TAPT1: variants seen among roughly 807,000 people sequenced by gnomAD.
TAPT1 encodes the protein transmembrane anterior posterior transformation 1.
In TAPT1, 28 loss-of-function variants were observed where a neutral mutation model predicts 65.6. The observed-to-expected ratio is 0.43, with a 90% CI of 0.32 to 0.59. The LOEUF (loss-of-function observed/expected upper bound fraction) is 0.59. Among genes scored for constraint, TAPT1 ranks in the 20% least tolerant of loss-of-function variants. The pLI is 0.09. For missense variants in TAPT1, 563 were observed against 679.9 expected, an observed-to-expected ratio of 0.83 and a Z score of 1.91; for synonymous variants, 278 against 245.2, an observed-to-expected ratio of 1.13 and a Z score of -1.25.
intron 1 of TAPT1, among the ~76,000 whole-genome samples, chr4:16,215,320 ATC>A (rs370460509): frequency 2.6e-5 from 4 of 151,640 alleles, no homozygotes; most frequent in African/African-American, 4.8e-5. Flanking sequence ...ATATATATAT[ATC>A]TCCTTAAAAG....
In TAPT1 at chr4:16,176,243, A is replaced by T. The variant is rs201597330; in HGVS notation, c.998-15T>A. On this transcript the variant is annotated splice_polypyrimidine_tract_variant and intron_variant, in intron 8 of 13. Transcript: ENST00000405303. ...CCAGAGATGATCTGTAAATAGAAAA[A>T]AGAAAAACAACGAAATATCTTAATA... 21 of 1,362,144 alleles carry T rather than the reference A, an allele frequency of 1.5e-5. No homozygotes were observed. Among genetic ancestry groups the T allele is most frequent in the Non-Finnish European group, 2.1e-5 (21 of 995,898 alleles). The allele number at this position is 1,362,144 out of a possible 1,614,324, so 84.4% of individuals were successfully genotyped here.
intron 4 of TAPT1, chr4:16,190,853 ATATT>A (rs1560169018): frequency 6.5e-6 from 1 of 154,954 alleles, no homozygotes; most frequent in Non-Finnish European, 1.5e-5. Context: ...TTGGGAACTT[ATATT>A]TATTTACCCT....
chr4:16,189,940 G>A (rs73798866), intron 4 of TAPT1: 10,120 of 152,460 alleles, frequency 0.066, 1,043 homozygotes, highest in African/African-American at 0.22. Context: ...AGAGAGCAGA[G>A]GGGAACAGGG....
chr4:16,215,164 G>T (rs56815412), intron 1 of TAPT1, among the ~76,000 whole-genome samples: 1 of 152,024 alleles, frequency 6.6e-6, no homozygotes, highest in Non-Finnish European at 1.5e-5. Context: ...GCCGGTGGGC[G>T]CCTGTAGTCC....
At chr4:16,182,369 C>T (rs890386236) in intron 7 of TAPT1, among the ~76,000 whole-genome samples, 1 of 152,256 alleles carries the variant, frequency 6.6e-6, no homozygotes, top group East Asian at 1.9e-4. Context: ...TGAACTCTTA[C>T]ATTGATTAAA....
chr4:16,181,057 A>G (rs1748682756), intron 7 of TAPT1, among the ~76,000 whole-genome samples: 1 of 152,222 alleles, frequency 6.6e-6, no homozygotes, highest in Admixed American at 6.5e-5. Context: ...TGTGACTTCA[A>G]AAGAGGATAC....
chr4:16,200,726 T>C (rs537294307), intron 3 of TAPT1, among the ~76,000 whole-genome samples: 36 of 152,342 alleles, frequency 2.4e-4, no homozygotes, highest in African/African-American at 8.7e-4. Flanking sequence ...TATTTGGTAA[T>C]GTTCTATTAG....
intron 3 of TAPT1, among the ~76,000 whole-genome samples, chr4:16,193,790 G>A (rs1040972300): frequency 6.6e-6 from 1 of 152,136 alleles, no homozygotes; most frequent in Admixed American, 6.5e-5. Context: ...AGCATATACT[G>A]AAAGTCACAC....
intron 3 of TAPT1, among the ~76,000 whole-genome samples, chr4:16,195,177 T>C (rs181663208): frequency 1.3e-5 from 2 of 152,372 alleles, no homozygotes; most frequent in Admixed American, 6.5e-5. Flanking sequence ...CAAATAAGTT[T>C]ACCTGGTTAA....
At chr4:16,220,526 G>T (rs1050170043) in intron 1 of TAPT1, among the ~76,000 whole-genome samples, 1 of 152,108 alleles carries the variant, frequency 6.6e-6, no homozygotes, top group Admixed American at 6.5e-5. Flanking sequence ...CAAGGCGGGT[G>T]GATCCCAATG....
rs573354028 is a variant in TAPT1, at chr4:16,208,550, C to T, written c.330+5218G>A. On this transcript the variant is annotated intron_variant, in intron 2 of 13. Coordinates refer to ENST00000405303, the MANE Select transcript of TAPT1 (RefSeq NM_153365.3). The stretch of plus-strand genomic sequence containing the variant: ...TTTGTTTATAATGCAGATGTAATGC[C>T]GAGGTTGCAGCCGTCATCTTTCTAC... Among the ~76,000 whole-genome samples the T allele has an allele frequency of 2.3e-4, 35 of 152,186 alleles. No homozygotes were observed. The South Asian group carries it at 6.0e-3, about 26-fold the overall frequency.
intron 1 of TAPT1, among the ~76,000 whole-genome samples, chr4:16,224,793 A>G (rs1369878170): frequency 1.3e-5 from 2 of 152,236 alleles, no homozygotes; most frequent in African/African-American, 2.4e-5. Context: ...CCAGGGAAGA[A>G]GTGTTAAGTG....
intron 5 of TAPT1, among the ~76,000 whole-genome samples, chr4:16,187,750 T>C (rs938577747): frequency 5.3e-5 from 8 of 152,242 alleles, no homozygotes; most frequent in African/African-American, 1.9e-4. Context: ...TAGAAAAGCT[T>C]AAAGCCAGGG....
intron 1 of TAPT1, among the ~76,000 whole-genome samples, chr4:16,215,076 G>C (rs761811702): frequency 6.6e-6 from 1 of 152,122 alleles, no homozygotes; most frequent in Non-Finnish European, 1.5e-5. Context: ...CAGATCACGA[G>C]GTCAGGAGTT....
At chr4:16,168,257 C>T (rs1019690227) in intron 12 of TAPT1, among the ~76,000 whole-genome samples, 6 of 151,962 alleles carry the variant, frequency 3.9e-5, no homozygotes, top group Non-Finnish European at 7.4e-5. Context: ...GGACCACAGG[C>T]GTATGCCACC....
intron 13 of TAPT1, among the ~76,000 whole-genome samples, chr4:16,165,443 G>A (rs1038256710): frequency 5.9e-5 from 9 of 151,808 alleles, no homozygotes; most frequent in East Asian, 1.9e-4. Context: ...GGTGGTGGGC[G>A]CCTGTAGTCC....
chr4:16,210,667 T>C (rs1750600029), intron 2 of TAPT1, among the ~76,000 whole-genome samples: 1 of 152,224 alleles, frequency 6.6e-6, no homozygotes, highest in African/African-American at 2.4e-5. Flanking sequence ...GCTTTAGAGA[T>C]GATCCCCTTA....
upstream of TAPT1, chr4:16,226,736 C>G (rs1751599775): frequency 6.6e-6 from 1 of 150,936 alleles, no homozygotes; most frequent in Non-Finnish European, 1.5e-5. Context: ...CGGGGCACCG[C>G]GCCGGGCTCC....
chr4:16,227,364 G>T (rs1318511889), upstream of TAPT1: 2 of 452,756 alleles, frequency 4.4e-6, no homozygotes, highest in Non-Finnish European at 8.9e-6. Flanking sequence ...GTGTGACCCC[G>T]CAACGAGCGT....
Sources: allele counts gnomAD v4.1 joint callset (sites outside exome capture counted in the v4.1 genomes callset), GRCh38; gene constraint gnomAD v4.1.1; transcripts MANE v1.5; gene names NCBI Gene and HGNC (gene_info 2026-07-23, HGNC 2026-07-21).